ZIC5: variants seen among roughly 807,000 people sequenced by gnomAD.
ZIC5 encodes the protein zinc finger protein ZIC 5.
Under a neutral mutation model 28.5 loss-of-function variants are expected in ZIC5, and 20 were observed. The observed-to-expected ratio is 0.70, with a 90% CI of 0.49 to 1.02. The LOEUF is 1.02. Among genes scored for constraint, ZIC5 ranks in the 50% least tolerant of loss-of-function variants. ZIC5 has a pLI of 0.00. For synonymous variants in ZIC5, 488 were observed against 410.4 expected, an observed-to-expected ratio of 1.19 and a Z score of -2.29; for missense variants, 951 against 899.7, an observed-to-expected ratio of 1.06 and a Z score of -0.73.
Position 99,970,274 on chromosome 13 carries a change from C to T in ZIC5, c.1330G>A (p.Glu444Lys). 6.2e-7 allele frequency: 1 copy of T among 1,613,900 alleles called. No homozygotes were observed. Among genetic ancestry groups the T allele is most frequent in the South Asian group, 1.1e-5 (1 of 91,074 alleles). Residue 444 changes from glutamate to lysine, a missense_variant, in exon 1 of 2, where the codon GAG (glutamate) becomes AAG (lysine). By Grantham distance (56) the Glu-to-Lys change is moderately conservative. Transcript: ENST00000267294. ...TATTTGGCCTTGAAGGGCTTGCCCT[C>T]GCGCGGACAGTCCTCCCAGAAGCAG... ...HVCFWEDCPR[E>K]GKPFKAKYKL...
rs1211791883 is a variant in ZIC5, at chr13:99,971,285, G to C, written c.319C>G (p.Pro107Ala). ...CCGCAGGGGTAGCTGCCCGCGCCGG[G>C]GTGCGCGACCAAGGCTGCAGCACGG... ...AARAAALVAHPGAGSYPCGGG... is the reference protein window; with the variant it reads ...AARAAALVAHAGAGSYPCGGG... The change falls in exon 1 of 2, where the codon CCC becomes GCC. Residue 107 changes from proline (P) to alanine (A), a missense_variant. Around this residue, in one of 3 missense-constraint regions of ZIC5, gnomAD observed 784 missense variants for 660.1 expected, o/e 1.19. Transcript: ENST00000267294. 7 of 1,344,708 alleles carry C rather than the reference G, an allele frequency of 5.2e-6. No individual in the cohort carries two copies. The East Asian group carries it at 9.3e-5, about 18-fold the overall frequency. 83.3% of individuals were successfully genotyped at this position (1,344,708 alleles called of 1,614,324 possible).
chr13:99,971,458 G>C lies in ZIC5; in HGVS notation c.146C>G (p.Ala49Gly), dbSNP rs773248540. 4 of 1,547,304 alleles carry C rather than the reference G, an allele frequency of 2.6e-6. No homozygotes were observed. The South Asian group carries it at 4.8e-5, about 18-fold the overall frequency. The change falls in exon 1 of 2, where the codon GCG becomes GGG. Residue 49 changes from alanine to glycine, a missense_variant. Physicochemically the swap from Ala to Gly is moderately conservative, Grantham distance 60. Around this residue, in one of 3 missense-constraint regions of ZIC5, gnomAD observed 784 missense variants for 660.1 expected, o/e 1.19. Transcript: ENST00000267294. ...GCCCAGGTCCCGCAGGCGGAGGTGCGCGACGGCGGCCCGGAGTTGGGAGTG... is the reference window on the plus strand; with the variant it reads ...GCCCAGGTCCCGCAGGCGGAGGTGCCCGACGGCGGCCCGGAGTTGGGAGTG... ...PAHSQLRAAV[A>G]HLRLRDLGAD...
At chr13:99,968,707 A>G (rs2053120967) in intron 1 of ZIC5, among the ~76,000 whole-genome samples, 4 of 152,224 alleles carry the variant, frequency 2.6e-5, no homozygotes, top group Admixed American at 2.6e-4. Flanking sequence ...TGCTGGGCAC[A>G]GGAGCGAGCA....
upstream of ZIC5, chr13:99,971,853 G>C (rs1262623468): frequency 5.3e-6 from 4 of 750,938 alleles, no homozygotes; most frequent in Non-Finnish European, 8.5e-6. Context: ...ATTGGCAGTA[G>C]CCTCGGCTGC....
Position 99,971,636 on chromosome 13 carries a change from C to A in ZIC5, c.-33G>T. The A allele has an allele frequency of 6.4e-7, 1 of 1,560,710 alleles. No individual in the cohort carries two copies. Among genetic ancestry groups the A allele is most frequent in the African/African-American group, 1.4e-5 (1 of 73,728 alleles). On this transcript the variant is annotated 5_prime_UTR_variant, in exon 1 of 2. Transcript: ENST00000267294. ...ACACAATCAGGCCCATAGACCCTCA[C>A]TGGGGGGACTTTATTCCCTCTGCCC...
intron 1 of ZIC5, among the ~76,000 whole-genome samples, chr13:99,968,488 G>GCGCA (rs1375540537): frequency 6.6e-6 from 1 of 152,080 alleles, no homozygotes; most frequent in Non-Finnish European, 1.5e-5. Flanking sequence ...CGGGGACAGT[G>GCGCA]CGCAGGGCGT....
Position 99,970,975 on chromosome 13 carries a change from G to A in ZIC5, c.629C>T (p.Pro210Leu). 1 of 1,401,490 alleles carries A rather than the reference G, an allele frequency of 7.1e-7. No individual in the cohort carries two copies. Among genetic ancestry groups the A allele is most frequent in the Non-Finnish European group, 9.2e-7 (1 of 1,090,088 alleles). 86.8% of individuals were successfully genotyped at this position (1,401,490 alleles called of 1,614,324 possible). ...GATGAACATGCCGGCCGAGTGGGGA[G>A]GCGGGGCCGGGTGCTGGGGGGAGCC... ...GTGSPQHPAP[P>L]PHSAGMFISA... The change falls in exon 1 of 2, where the codon CCT becomes CTT. Residue 210 changes from proline (P) to leucine (L), a missense_variant. By Grantham distance (98) the Pro-to-Leu change is moderately conservative. Transcript: ENST00000267294.
chr13:99,968,844 G>A (rs529703166), intron 1 of ZIC5, among the ~76,000 whole-genome samples: 2 of 152,152 alleles, frequency 1.3e-5, no homozygotes, highest in South Asian at 2.1e-4. Context: ...GCTCCCCACC[G>A]GCCATCAGGC....
chr13:99,969,563 C>A (rs2152155582), intron 1 of ZIC5, among the ~76,000 whole-genome samples: 1 of 152,264 alleles, frequency 6.6e-6, no homozygotes, highest in Non-Finnish European at 1.5e-5. Flanking sequence ...GCATTCCTGT[C>A]TTCCCGGAGG....
rs1328330678 is a variant in ZIC5 at position 99,970,635 on chromosome 13, G to A, written c.969C>T (p.Pro323=). 21 of 1,106,430 alleles carry A rather than the reference G, an allele frequency of 1.9e-5. No individual in the cohort carries two copies. The highest frequency in any genetic ancestry group is 4.5e-5 in the Admixed American group (1 of 22,056). The allele number at this position is 1,106,430 out of a possible 1,614,324, so 68.5% of individuals were successfully genotyped here. Residue 323 remains proline (P), a synonymous_variant, in exon 1 of 2, where the codon CCC becomes CCT. Coordinates refer to ENST00000267294, the MANE Select transcript of ZIC5 (RefSeq NM_033132.5). The part of the protein sequence containing the change: ...AAAAAAAAAG[P]GPHLQHHAPP... ...GCGCGTGGTGCTGCAGGTGGGGCCC[G>A]GGCCCGGCCGCTGCTGCGGCCGCCG...
At position 99,970,986 on chromosome 13, in the gene ZIC5, G is replaced by T. The variant is rs1272952399; in HGVS notation, c.618C>A (p.His206Gln). The change falls in exon 1 of 2, where the codon CAC becomes CAA. Residue 206 changes from histidine (H) to glutamine (Q), a missense_variant. His to Gln is a conservative substitution (Grantham distance 24). Transcript: ENST00000267294. ...EQRSGTGSPQ[H>Q]PAPPPHSAGM... ...CGGCCGAGTGGGGAGGCGGGGCCGG[G>T]TGCTGGGGGGAGCCGGTGCCGGACC... 4.3e-6 allele frequency: 6 copies of T among 1,404,348 alleles called. No homozygotes were observed. Among genetic ancestry groups the T allele is most frequent in the Non-Finnish European group, 5.5e-6 (6 of 1,091,740 alleles). 87.0% of individuals were successfully genotyped at this position (1,404,348 alleles called of 1,614,324 possible). A position where few individuals can be genotyped will look rare whatever the true frequency, so the allele number is the denominator to read the frequency against.
At chr13:99,966,070 G>T (rs1006056619) in intron 1 of ZIC5, among the ~76,000 whole-genome samples, 8 of 152,118 alleles carry the variant, frequency 5.3e-5, no homozygotes, top group Non-Finnish European at 8.8e-5. Flanking sequence ...AGGGATCAGG[G>T]TGAGATCCCT....
chr13:99,971,531 G>C lies in ZIC5; in HGVS notation c.73C>G (p.Pro25Ala). 3.9e-6 allele frequency: 6 copies of C among 1,552,070 alleles called. No homozygotes were observed. Among genetic ancestry groups the C allele is most frequent in the Non-Finnish European group, 5.2e-6 (6 of 1,147,212 alleles). Residue 25 changes from proline to alanine, a missense_variant, in exon 1 of 2, where the codon CCG becomes GCG. Physicochemically the swap from Pro to Ala is conservative, Grantham distance 27. Coordinates refer to ENST00000267294, the MANE Select transcript of ZIC5 (RefSeq NM_033132.5). The stretch of plus-strand genomic sequence containing the variant: ...GGGAAGCCTGTCATATTCTGAAGCG[G>C]CTGGACCTGAGCCGTTGCCAAATCC... ...LADLATAQVQ[P>A]LQNMTGFPAL...
rs2053082062 is a variant in ZIC5 at position 99,964,555 on chromosome 13, T to G, written c.*822A>C. On this transcript the variant is annotated 3_prime_UTR_variant, in exon 2 of 2. Transcript: ENST00000267294. Reference sequence around the variant, plus strand: ...TCTTCTATTTTATAAAATATCACAGTTTCACAGTTGTCTTTTGCAGCAGCT... The same window carrying G: ...TCTTCTATTTTATAAAATATCACAGGTTCACAGTTGTCTTTTGCAGCAGCT... 6.6e-6 allele frequency: 1 copy of G among 152,522 alleles called. No homozygotes were observed. Among genetic ancestry groups the G allele is most frequent in the South Asian group, 2.1e-4 (1 of 4,822 alleles). 9.4% of individuals were successfully genotyped at this position (152,522 alleles called of 1,614,324 possible).
At position 99,971,223 on chromosome 13, in the gene ZIC5, C is replaced by T; in HGVS notation, c.381G>A (p.Pro127=). Residue 127 remains proline (P), a synonymous_variant, in exon 1 of 2, where the codon CCG becomes CCA. Coordinates refer to ENST00000267294, the MANE Select transcript of ZIC5 (RefSeq NM_033132.5). ...TGGGAGGAAGAGGAGGGGCTGGGGG[C>T]GGGGGCGCGGAGGGCTGCGCGCCAC... ...GSSGAQPSAP[P]PPAPPLPPTP... 2 of 135,814 alleles carry T rather than the reference C, an allele frequency of 1.5e-5. No homozygotes were observed. The highest frequency in any genetic ancestry group is 1.8e-5 in the Non-Finnish European group (2 of 108,994). 8.4% of individuals were successfully genotyped at this position (135,814 alleles called of 1,614,324 possible). A position where few individuals can be genotyped will look rare whatever the true frequency, so the allele number is the denominator to read the frequency against.
Position 99,965,639 on chromosome 13 carries a change from T to C in ZIC5, c.1658A>G (p.Lys553Arg). ...GGGTCCTGGAGAAGGTGGCGGGGAC[T>C]TGCAGTGAATCTTCATGTGCTTCCT... is the stretch of plus-strand genomic sequence containing the variant. ...SLRKHMKIHC[K>R]SPPPSPGPLG... Residue 553 changes from lysine (K) to arginine (R), a missense_variant, in exon 2 of 2, where the codon AAG becomes AGG. By Grantham distance (26) the Lys-to-Arg change is conservative. Transcript: ENST00000267294. 2 of 1,614,220 alleles carry C rather than the reference T, an allele frequency of 1.2e-6. No individual in the cohort carries two copies. The highest frequency in any genetic ancestry group is 1.7e-6 in the Non-Finnish European group (2 of 1,180,046).
chr13:99,971,162 G>A lies in ZIC5; in HGVS notation c.442C>T (p.Pro148Ser), dbSNP rs776912578. The A allele has an allele frequency of 4.2e-5, 57 of 1,367,936 alleles. 2 individuals are homozygous for A. In the South Asian group the frequency reaches 9.5e-4, roughly 23 times the overall value. The allele number at this position is 1,367,936 out of a possible 1,614,324, so 84.7% of individuals were successfully genotyped here. A position where few individuals can be genotyped will look rare whatever the true frequency, so the allele number is the denominator to read the frequency against. Residue 148 changes from proline (P) to serine (S), a missense_variant, in exon 1 of 2, where the codon CCT becomes TCT. Transcript: ENST00000267294. ...GTGGTGTAGCCCGAGAGGGCAGGAG[G>A]AGGAGGAGGCGGGGGAGGGGGAGGG... ...SPPPPPPPPP[P>S]PALSGYTTTN...
Position 99,965,826 on chromosome 13 carries a change from G to A in ZIC5, c.1478-7C>T. ...CATTTGAAAGGCTTTTCCCCTGCAA[G>A]GAAACACAGGAAAGGTCAACAATGG... On this transcript the variant is annotated splice_polypyrimidine_tract_variant and splice_region_variant and intron_variant, in intron 1 of 1. Transcript: ENST00000267294. The A allele has an allele frequency of 6.2e-7, 1 of 1,604,638 alleles. No homozygotes were observed. The highest frequency in any genetic ancestry group is 8.5e-7 in the Non-Finnish European group (1 of 1,174,424).
chr13:99,971,071 TC>T lies in ZIC5; in HGVS notation c.532del (p.Asp178ThrfsTer129). 1 of 1,425,576 alleles carries T rather than the reference TC, an allele frequency of 7.0e-7. No individual in the cohort carries two copies. Among genetic ancestry groups the T allele is most frequent in the African/African-American group, 1.5e-5 (1 of 65,126 alleles). 88.3% of individuals were successfully genotyped at this position (1,425,576 alleles called of 1,614,324 possible). A position where few individuals can be genotyped will look rare whatever the true frequency, so the allele number is the denominator to read the frequency against. On this transcript the variant is annotated frameshift_variant, in exon 1 of 2. Coordinates refer to ENST00000267294, the MANE Select transcript of ZIC5 (RefSeq NM_033132.5). LOFTEE classifies it high-confidence loss of function. Reference sequence around the variant, plus strand: ...CGCCGCGGGGGCCGTGGCGGAAAGGTCCCTCCGGAGGACGAAGTCCCTGCTG... The same window carrying T: ...CGCCGCGGGGGCCGTGGCGGAAAGGTCCTCCGGAGGACGAAGTCCCTGCTG... ...GHSRDFVLRR[D>X]LSATAPAAAM...
Sources: allele counts gnomAD v4.1 joint callset (sites outside exome capture counted in the v4.1 genomes callset), GRCh38; gene constraint gnomAD v4.1.1; regional missense constraint gnomAD v4.1.1; transcripts MANE v1.5; gene names NCBI Gene and HGNC (gene_info 2026-07-23, HGNC 2026-07-21).